The following SORL1 variants were observed in gnomAD, a reference collection of about 807,000 sequenced individuals.
SORL1 encodes the protein sortilin-related receptor.
In SORL1, 127 loss-of-function variants were observed where a neutral mutation model predicts 273.7. That is an observed-to-expected ratio of 0.46 (90% confidence interval 0.40 to 0.54). SORL1 has a LOEUF of 0.54. SORL1 is among the 20% of genes least tolerant of loss of function. SORL1 has a pLI of 0.00. For missense variants in SORL1, 2,494 were observed against 2,846.1 expected, an observed-to-expected ratio of 0.88 and a Z score of 2.81; for synonymous variants, 1,031 against 1,067.4, an observed-to-expected ratio of 0.97 and a Z score of 0.66.
rs1269849706 is a variant in SORL1 at position 121,631,940 on chromosome 11, A to T, written c.*2377A>T. On this transcript the variant is annotated 3_prime_UTR_variant, in exon 48 of 48. Coordinates refer to ENST00000260197, the MANE Select transcript of SORL1 (RefSeq NM_003105.6). ...CTCTGTGTAGCTTTGTGGGGATTTCATGTATATATGCTGTCTGAAAGAATC... is the reference window on the plus strand; with the variant it reads ...CTCTGTGTAGCTTTGTGGGGATTTCTTGTATATATGCTGTCTGAAAGAATC... 1.3e-5 allele frequency: 2 copies of T among 152,150 alleles called. No homozygotes were observed. Among genetic ancestry groups the T allele is most frequent in the Non-Finnish European group, 2.9e-5 (2 of 68,016 alleles). 9.4% of individuals were successfully genotyped at this position (152,150 alleles called of 1,614,324 possible).
intron 6 of SORL1, among the ~76,000 whole-genome samples, chr11:121,509,799 T>C (rs1401221458): frequency 6.6e-6 from 1 of 152,156 alleles, no homozygotes; most frequent in Non-Finnish European, 1.5e-5. Context: ...TTATCAGAAA[T>C]GAAAACACAA....
At chr11:121,575,509 C>G (rs75279208) in intron 24 of SORL1, among the ~76,000 whole-genome samples, 4,169 of 152,354 alleles carry the variant, frequency 0.027, 163 homozygotes, top group East Asian at 0.21. Context: ...TGGACACAGC[C>G]TGCTTGATTA....
rs1862028183 is a variant in SORL1, at chr11:121,520,729, G to T, written c.1284G>T (p.Leu428=). Reference sequence around the variant, plus strand: ...TGCAAGGAGTCTACATTGCTACTCTGATTAATGGTTCTATGAATGAGGAGA... The same window carrying T: ...TGCAAGGAGTCTACATTGCTACTCTTATTAATGGTTCTATGAATGAGGAGA... ...EGLQGVYIAT[L]INGSMNEENM... The change falls in exon 9 of 48, where the codon CTG becomes CTT. Residue 428 remains leucine (L), a synonymous_variant. Coordinates refer to ENST00000260197, the MANE Select transcript of SORL1 (RefSeq NM_003105.6). 1.9e-6 allele frequency: 3 copies of T among 1,612,130 alleles called. No individual in the cohort carries two copies. The highest frequency in any genetic ancestry group is 2.7e-5 in the African/African-American group (2 of 74,848).
intron 12 of SORL1, among the ~76,000 whole-genome samples, chr11:121,542,995 G>T (rs1161987121): frequency 6.6e-6 from 1 of 150,488 alleles, no homozygotes; most frequent in African/African-American, 2.4e-5. Flanking sequence ...GGCTAACATG[G>T]TGAAACCCCG....
chr11:121,475,516 G>A (rs1861251422), intron 2 of SORL1, among the ~76,000 whole-genome samples: 2 of 152,224 alleles, frequency 1.3e-5, no homozygotes, highest in Non-Finnish European at 2.9e-5. Context: ...CCATGTGCAC[G>A]ATGGCAGCGG....
At chr11:121,468,240 G>A (rs754698601) in intron 1 of SORL1, among the ~76,000 whole-genome samples, 1 of 152,114 alleles carries the variant, frequency 6.6e-6, no homozygotes, top group Non-Finnish European at 1.5e-5. Context: ...AGGCTTACTC[G>A]TGGGTGGGGT....
chr11:121,550,716 A>G lies in SORL1; in HGVS notation c.2266+46A>G, dbSNP rs758595316. The G allele has an allele frequency of 4.7e-6, 7 of 1,489,968 alleles. No homozygotes were observed. Among genetic ancestry groups the G allele is most frequent in the Non-Finnish European group, 6.5e-6 (7 of 1,072,380 alleles). The allele number at this position is 1,489,968 out of a possible 1,614,324, so 92.3% of individuals were successfully genotyped here. On this transcript the variant is annotated intron_variant, in intron 16 of 47. Transcript: ENST00000260197. The surrounding 1 kb of genome is among the most constrained non-coding windows in gnomAD (Gnocchi z 5.3). The stretch of plus-strand genomic sequence containing the variant: ...CCTTTCATTTCTTGAGACATGGTTG[A>G]AGCAGTATCACGATCTCACCCAAGT...
At chr11:121,610,828 C>T (rs760604114) in intron 38 of SORL1, 1 of 388,326 alleles carries the variant, frequency 2.6e-6, no homozygotes, top group Non-Finnish European at 4.7e-6. Flanking sequence ...TGGAACTTTT[C>T]TGCCTGACCT....
intron 6 of SORL1, among the ~76,000 whole-genome samples, chr11:121,500,282 C>G (rs1861691764): frequency 6.6e-6 from 1 of 152,220 alleles, no homozygotes; most frequent in Non-Finnish European, 1.5e-5. Flanking sequence ...CATAACCTCA[C>G]TACCAGATTA....
At position 121,520,673 on chromosome 11, in the gene SORL1, C is replaced by A. The variant is rs1183996990; in HGVS notation, c.1228C>A (p.Pro410Thr). 6 of 1,568,340 alleles carry A rather than the reference C, an allele frequency of 3.8e-6. No homozygotes were observed. Among genetic ancestry groups the A allele is most frequent in the Non-Finnish European group, 5.2e-6 (6 of 1,158,652 alleles). ...ATATTGTAGGTATTTTGCAAATGAA[C>A]CATTTGCTGACTTCCACCGAGTGGA... ...DTLVRYFANE[P>T]FADFHRVEGL... The change falls in exon 9 of 48, where the codon CCA (proline) becomes ACA (threonine). Residue 410 changes from proline to threonine, a missense_variant. Physicochemically the swap from Pro to Thr is conservative, Grantham distance 38 (BLOSUM62 -1). Around this residue, in one of 3 missense-constraint regions of SORL1, gnomAD observed 710 missense variants for 882.5 expected, o/e 0.80. Coordinates refer to ENST00000260197, the MANE Select transcript of SORL1 (RefSeq NM_003105.6).
At chr11:121,588,183 C>T (rs751507568) in intron 28 of SORL1, 32 bp downstream of exon 28, 5 of 1,609,050 alleles carry the variant, frequency 3.1e-6, no homozygotes, top group South Asian at 1.1e-5. Flanking sequence ...AGGTGACTCA[C>T]GGTCACTAAA....
rs1862546628 is a variant in SORL1 at position 121,554,310 on chromosome 11, T to A, written c.2439+201T>A. Among the ~76,000 whole-genome samples the A allele has an allele frequency of 6.6e-6, 1 of 152,210 alleles. No individual in the cohort carries two copies. The highest frequency in any genetic ancestry group is 2.4e-5 in the African/African-American group (1 of 41,454). On this transcript the variant is annotated intron_variant, in intron 17 of 47. Transcript: ENST00000260197. This position sits in a 1 kb window ranked among gnomAD's most constrained non-coding sequence, Gnocchi z 4.6. ...TCTTCATCTGTTCATATAGGAAGGA[T>A]AAAGAAAGCCCTAAATCCACAGACC...
chr11:121,567,502 T>A (rs1862771524), intron 22 of SORL1, among the ~76,000 whole-genome samples: 1 of 152,210 alleles, frequency 6.6e-6, no homozygotes, highest in African/African-American at 2.4e-5. Flanking sequence ...ACCAACCTGA[T>A]TGGGAAAAAT....
At chr11:121,523,711 T>C (rs1862076777) in intron 11 of SORL1, among the ~76,000 whole-genome samples, 1 of 152,030 alleles carries the variant, frequency 6.6e-6, no homozygotes, top group Non-Finnish European at 1.5e-5. Context: ...GGTGACCCTC[T>C]AGTTATGCCA....
intron 3 of SORL1, 36 bp downstream of exon 3, chr11:121,478,279 T>C: frequency 6.2e-7 from 1 of 1,600,092 alleles, no homozygotes; most frequent in Non-Finnish European, 8.5e-7. Context: ...CCCGACTTCA[T>C]GGGACTGGGT....
At chr11:121,544,884 A>G (rs2134888493) in intron 13 of SORL1, among the ~76,000 whole-genome samples, 1 of 152,220 alleles carries the variant, frequency 6.6e-6, no homozygotes, top group South Asian at 2.1e-4. Context: ...ATTAACCCCC[A>G]ATGGTATTGC....
intron 35 of SORL1, among the ~76,000 whole-genome samples, chr11:121,606,032 C>T (rs969802589): frequency 6.6e-6 from 1 of 152,212 alleles, no homozygotes; most frequent in African/African-American, 2.4e-5. Context: ...AGGTGGTCCT[C>T]CCGCCTCAGC....
At position 121,555,219 on chromosome 11, in the gene SORL1, G is replaced by T; in HGVS notation, c.2472G>T (p.Glu824Asp). ...RLCLNGSTGQ[E>D]VIINSGLETV... ...GTTTGAATGGAAGCACAGGGCAAGA[G>T]GTGATCATCAATTCTGGCCTGGAGA... Residue 824 changes from glutamate (E) to aspartate (D), a missense_variant, in exon 18 of 48, where the codon GAG becomes GAT. Glu to Asp is a conservative substitution (Grantham distance 45, BLOSUM62 2). Around this residue, in one of 3 missense-constraint regions of SORL1, gnomAD observed 1,609 missense variants for 1,816.4 expected, o/e 0.89. Transcript: ENST00000260197. 1 of 1,614,048 alleles carries T rather than the reference G, an allele frequency of 6.2e-7. No individual in the cohort carries two copies. Among genetic ancestry groups the T allele is most frequent in the South Asian group, 1.1e-5 (1 of 91,076 alleles).
In SORL1 at chr11:121,625,286, C is replaced by A; in HGVS notation, c.6364+9C>A. 6.3e-7 allele frequency: 1 copy of A among 1,597,822 alleles called. No individual in the cohort carries two copies. Among genetic ancestry groups the A allele is most frequent in the African/African-American group, 1.3e-5 (1 of 74,534 alleles). On this transcript the variant is annotated intron_variant, in intron 46 of 47. Transcript: ENST00000260197. ...CGATGAGCTGGGGTCTGGTGAGTTG[C>A]GATTGCTGCCCGTTTCTGTCTTCAG...
Sources: gnomAD v4.1 joint callset for allele counts (sites outside exome capture counted in the v4.1 genomes callset) on GRCh38, gnomAD v4.1.1 for gene constraint, gnomAD v4.1.1 regional missense constraint, Gnocchi (gnomAD v3.1) non-coding constraint, MANE v1.5 for transcripts, NCBI Gene and HGNC (gene_info 2026-07-23, HGNC 2026-07-21) for gene names.